The following LRRTM4 variants were observed in gnomAD, a reference collection of about 807,000 sequenced individuals.
LRRTM4 encodes the protein leucine-rich repeat transmembrane neuronal protein 4.
Under a neutral mutation model 47.6 loss-of-function variants are expected in LRRTM4, and 25 were observed. The observed-to-expected ratio is 0.53, with a 90% CI of 0.38 to 0.73. The LOEUF is 0.73. Ranked by LOEUF, LRRTM4 falls within the 30% of genes least tolerant of loss-of-function variation. The pLI is 0.00. For missense variants in LRRTM4, 638 were observed against 713.4 expected, an observed-to-expected ratio of 0.89 and a Z score of 1.20; for synonymous variants, 311 against 269.5, an observed-to-expected ratio of 1.15 and a Z score of -1.51.
chr2:77,413,078 G>T (rs1210481332), intron 3 of LRRTM4, among the ~76,000 whole-genome samples: 1 of 152,060 alleles, frequency 6.6e-6, no homozygotes, highest in African/African-American at 2.4e-5. Context: ...CAACTATAGG[G>T]GTGATTTGCT....
At chr2:76,855,512 A>T (rs1672122088) in intron 3 of LRRTM4, among the ~76,000 whole-genome samples, 1 of 152,224 alleles carries the variant, frequency 6.6e-6, no homozygotes, top group African/African-American at 2.4e-5. Context: ...CTGGGAATAG[A>T]TTAGTGCCGA....
chr2:76,818,667 G>A (rs1404808691), intron 3 of LRRTM4, among the ~76,000 whole-genome samples: 1 of 151,420 alleles, frequency 6.6e-6, no homozygotes, highest in African/African-American at 2.4e-5. Flanking sequence ...TAATATTTAA[G>A]GTCATGTCTT....
chr2:77,107,601 T>C (rs539545992), intron 3 of LRRTM4, among the ~76,000 whole-genome samples: 1 of 152,164 alleles, frequency 6.6e-6, no homozygotes, highest in Admixed American at 6.5e-5. Flanking sequence ...GGTGGATCAC[T>C]TGAGGTTGGG....
intron 3 of LRRTM4, among the ~76,000 whole-genome samples, chr2:76,903,808 A>G (rs1014645131): frequency 1.3e-5 from 2 of 152,200 alleles, no homozygotes; most frequent in Non-Finnish European, 2.9e-5. Flanking sequence ...TAATAAGCTG[A>G]TCATAGAAAG....
Position 77,441,496 on chromosome 2 carries a change from C to G in LRRTM4, c.1551+76822G>C, listed in dbSNP as rs147557727. Among the ~76,000 whole-genome samples the G allele has an allele frequency of 2.1e-4, 32 of 152,226 alleles. 2 individuals are homozygous for G. In the East Asian group the frequency reaches 5.8e-3, roughly 28 times the overall value. ...TTACAGAAGAGGACTTAAATGTCAA[C>G]TCTTTTACTGATTATTTCATTTTGG... On this transcript the variant is annotated intron_variant, in intron 3 of 3. Transcript: ENST00000409884.
chr2:77,477,214 T>C (rs1008500176), intron 3 of LRRTM4, among the ~76,000 whole-genome samples: 4 of 152,036 alleles, frequency 2.6e-5, no homozygotes, highest in Admixed American at 6.6e-5. Flanking sequence ...TCATGTACGG[T>C]TGGATCAAGA....
chr2:77,165,917 C>A lies in LRRTM4; in HGVS notation c.1551+352401G>T, dbSNP rs911622632. Among the ~76,000 whole-genome samples the A allele has an allele frequency of 2.0e-5, 3 of 152,336 alleles. No individual in the cohort carries two copies. In the South Asian group the frequency reaches 6.2e-4, roughly 32 times the overall value. ...AACTGGCCCAAGACAGGGATGCCCT[C>A]TCTCACCACTCCTAGTCAACATAAT... On this transcript the variant is annotated intron_variant, in intron 3 of 3. Coordinates refer to ENST00000409884, the MANE Select transcript of LRRTM4 (RefSeq NM_001134745.3).
At chr2:77,241,053 A>G (rs1433407536) in intron 3 of LRRTM4, among the ~76,000 whole-genome samples, 1 of 152,042 alleles carries the variant, frequency 6.6e-6, no homozygotes, top group Non-Finnish European at 1.5e-5. Context: ...AATTGAGAAG[A>G]TGATTCTAAA....
intron 3 of LRRTM4, among the ~76,000 whole-genome samples, chr2:77,039,418 AGT>A (rs1251972641): frequency 1.3e-5 from 2 of 151,062 alleles, no homozygotes; most frequent in South Asian, 4.1e-4. Context: ...TAAAAAAGTT[AGT>A]GTCAGTTCCC....
chr2:77,513,877 T>G lies in LRRTM4; in HGVS notation c.1551+4441A>C, dbSNP rs528087795. Among the ~76,000 whole-genome samples, 3 of 152,212 alleles carry G rather than the reference T, an allele frequency of 2.0e-5. No individual in the cohort carries two copies. The East Asian group carries it at 5.8e-4, about 29-fold the overall frequency. ...CACTGCACCTGACGATACTTATAAT[T>G]TTTCAGATATGATAATACATTTACC... On this transcript the variant is annotated intron_variant, in intron 3 of 3. Transcript: ENST00000409884.
chr2:77,401,156 C>G (rs1406573174), intron 3 of LRRTM4, among the ~76,000 whole-genome samples: 1 of 151,936 alleles, frequency 6.6e-6, no homozygotes, highest in African/African-American at 2.4e-5. Flanking sequence ...TTGCTGCCAT[C>G]AGCATCACCT....
chr2:77,110,026 G>A (rs1671206851), intron 3 of LRRTM4, among the ~76,000 whole-genome samples: 1 of 151,960 alleles, frequency 6.6e-6, no homozygotes, highest in African/African-American at 2.4e-5. Context: ...GAAAAAAAGA[G>A]AATACAAGGA....
intron 3 of LRRTM4, among the ~76,000 whole-genome samples, chr2:77,480,323 A>G (rs1285404758): frequency 6.6e-6 from 1 of 152,134 alleles, no homozygotes; most frequent in Non-Finnish European, 1.5e-5. Flanking sequence ...GGAGCAGATT[A>G]TTTTCAGCTG....
At chr2:77,309,435 C>A (rs941659973) in intron 3 of LRRTM4, among the ~76,000 whole-genome samples, 17 of 152,034 alleles carry the variant, frequency 1.1e-4, no homozygotes, top group Non-Finnish European at 2.2e-4. Context: ...AAACAGCACA[C>A]CAATTAAAGA....
At chr2:76,977,381 T>C (rs1428401288) in intron 3 of LRRTM4, among the ~76,000 whole-genome samples, 1 of 151,868 alleles carries the variant, frequency 6.6e-6, no homozygotes, top group Non-Finnish European at 1.5e-5. Flanking sequence ...TACCAACCTG[T>C]TGGAAATCAC....
intron 3 of LRRTM4, among the ~76,000 whole-genome samples, chr2:77,353,639 C>T (rs1383745021): frequency 1.3e-5 from 2 of 151,866 alleles, no homozygotes; most frequent in Admixed American, 6.6e-5. Context: ...TTTTATAATC[C>T]TTTTTTACCT....
At chr2:77,479,471 AGGGTT>A (rs1371530552) in intron 3 of LRRTM4, among the ~76,000 whole-genome samples, 17 of 152,242 alleles carry the variant, frequency 1.1e-4, no homozygotes, top group Non-Finnish European at 1.2e-4. Context: ...GCAAGTCGTC[AGGGTT>A]TACCGGACAG....
At chr2:77,489,627 C>T (rs1018747304) in intron 3 of LRRTM4, among the ~76,000 whole-genome samples, 9 of 152,148 alleles carry the variant, frequency 5.9e-5, no homozygotes, top group African/African-American at 1.4e-4. Context: ...CCTTGGAACA[C>T]GCTTAAATAA....
intron 3 of LRRTM4, among the ~76,000 whole-genome samples, chr2:77,069,431 GT>G (rs1680075760): frequency 6.6e-6 from 1 of 151,432 alleles, no homozygotes; most frequent in Non-Finnish European, 1.5e-5. Context: ...GTGTGTGTGT[GT>G]GTGTGTTTGT....
Sources: allele counts gnomAD v4.1 joint callset (sites outside exome capture counted in the v4.1 genomes callset), GRCh38; gene constraint gnomAD v4.1.1; transcripts MANE v1.5; gene names NCBI Gene and HGNC (gene_info 2026-07-23, HGNC 2026-07-21).